CFAP61: variants seen among roughly 807,000 people sequenced by gnomAD.
CFAP61 encodes the protein cilia and flagella associated protein 61, also known as cilia- and flagella-associated protein 61.
A neutral mutation model predicts 135.6 loss-of-function variants in CFAP61; 107 were observed. That is an observed-to-expected ratio of 0.79 (90% CI 0.67 to 0.93). CFAP61 has a LOEUF of 0.93. Among genes scored for constraint, CFAP61 ranks in the 40% least tolerant of loss-of-function variants. CFAP61 has a pLI of 0.00. For synonymous variants in CFAP61, 575 were observed against 578.5 expected (o/e 0.99, Z 0.09); for missense variants, 1,507 against 1,556.2 (o/e 0.97, Z 0.53).
At chr20:20,305,601 G>A (rs1402124297) in intron 25 of CFAP61, among the ~76,000 whole-genome samples, 8 of 152,308 alleles carry the variant, frequency 5.3e-5, no homozygotes, top group Middle Eastern at 3.4e-3. Flanking sequence ...CCCTGCGGCC[G>A]TGTGCCAGGC....
chr20:20,115,751 G>A (rs998238642), intron 8 of CFAP61, among the ~76,000 whole-genome samples: 1 of 152,154 alleles, frequency 6.6e-6, no homozygotes, highest in Non-Finnish European at 1.5e-5. Context: ...TTCTATCCAT[G>A]TTGTTGCAAA....
chr20:20,358,304 T>A (rs2059349828), intron 26 of CFAP61, among the ~76,000 whole-genome samples: 1 of 151,894 alleles, frequency 6.6e-6, no homozygotes. Flanking sequence ...AAGAAGATGA[T>A]CACAGTATGA....
At chr20:20,057,647 TTTTG>T (rs1205539641) in intron 2 of CFAP61, among the ~76,000 whole-genome samples, 1 of 152,188 alleles carries the variant, frequency 6.6e-6, no homozygotes, top group African/African-American at 2.4e-5. Context: ...TTTCTCTCTG[TTTTG>T]TTTGTTTATA....
chr20:20,053,606 C>T (rs1204569000), intron 1 of CFAP61, among the ~76,000 whole-genome samples: 1 of 152,272 alleles, frequency 6.6e-6, no homozygotes, highest in East Asian at 1.9e-4. Flanking sequence ...AGTAATATCA[C>T]GTCTACCAAT....
At chr20:20,269,146 TACACACACACACACACAC>T (rs1192884602) in intron 21 of CFAP61, among the ~76,000 whole-genome samples, 2 of 85,614 alleles carry the variant, frequency 2.3e-5, no homozygotes, top group African/African-American at 4.0e-5. Flanking sequence ...TATATATATA[TACACACACACACACACAC>T]ATACATATAT....
chr20:20,086,693 C>G (rs1044232900), intron 6 of CFAP61, among the ~76,000 whole-genome samples: 40 of 152,272 alleles, frequency 2.6e-4, no homozygotes, highest in Admixed American at 2.0e-3. Flanking sequence ...GGTAAGGGCC[C>G]AGTTCACGTT....
rs563684544 is a variant in CFAP61 at position 20,291,279 on chromosome 20, G to T, written c.3216+888G>T. Among the ~76,000 whole-genome samples the T allele has an allele frequency of 7.2e-5, 11 of 152,342 alleles. No individual in the cohort carries two copies. The East Asian group carries it at 1.9e-3, about 27-fold the overall frequency. ...CACCATTACAGGATTATACAGAGCAGCTTCACTGCCCTAAGAACCCTCTGT... is the reference window on the plus strand; with the variant it reads ...CACCATTACAGGATTATACAGAGCATCTTCACTGCCCTAAGAACCCTCTGT... On this transcript the variant is annotated intron_variant, in intron 24 of 26. Transcript: ENST00000245957.
intron 6 of CFAP61, among the ~76,000 whole-genome samples, chr20:20,081,129 A>G (rs1434994440): frequency 6.6e-6 from 1 of 152,242 alleles, no homozygotes; most frequent in Non-Finnish European, 1.5e-5. Flanking sequence ...AATGAATAAA[A>G]TACTTGAATT....
chr20:20,085,585 G>A (rs779672568), intron 6 of CFAP61: 2 of 1,239,138 alleles, frequency 1.6e-6, no homozygotes, highest in South Asian at 1.2e-5. Context: ...TTCATGAGCA[G>A]GCCTAGGGCT....
intron 2 of CFAP61, among the ~76,000 whole-genome samples, chr20:20,063,410 T>C (rs1396355312): frequency 6.6e-6 from 1 of 151,884 alleles, no homozygotes; most frequent in Non-Finnish European, 1.5e-5. Flanking sequence ...TAAAAAGATA[T>C]GATTATGATT....
chr20:20,233,655 A>G (rs2049341960), intron 18 of CFAP61, among the ~76,000 whole-genome samples: 2 of 152,206 alleles, frequency 1.3e-5, no homozygotes. Context: ...CCACCAGAGA[A>G]TAAGGATCCA....
intron 21 of CFAP61, among the ~76,000 whole-genome samples, chr20:20,274,180 A>C (rs923442459): frequency 6.6e-6 from 1 of 152,208 alleles, no homozygotes; most frequent in Non-Finnish European, 1.5e-5. Flanking sequence ...ATCAATAATG[A>C]TAACAATATG....
At chr20:20,153,392 G>A (rs936406865) in intron 9 of CFAP61, among the ~76,000 whole-genome samples, 4 of 151,402 alleles carry the variant, frequency 2.6e-5, no homozygotes, top group African/African-American at 4.8e-5. Flanking sequence ...TAAATGAAAC[G>A]GTAACAAAAA....
intron 13 of CFAP61, among the ~76,000 whole-genome samples, chr20:20,179,993 G>A (rs887248185): frequency 6.6e-6 from 1 of 152,080 alleles, no homozygotes; most frequent in Non-Finnish European, 1.5e-5. Context: ...GATGCCAAAA[G>A]CAATTACAAC....
At chr20:20,074,977 A>T (rs1321382101) in intron 4 of CFAP61, among the ~76,000 whole-genome samples, 2 of 152,188 alleles carry the variant, frequency 1.3e-5, no homozygotes, top group Admixed American at 6.5e-5. Flanking sequence ...CATGGGACAG[A>T]TCGAAAAGGG....
chr20:20,334,938 A>G (rs756623264), intron 25 of CFAP61, among the ~76,000 whole-genome samples: 1 of 152,180 alleles, frequency 6.6e-6, no homozygotes, highest in Non-Finnish European at 1.5e-5. Context: ...AAACCCAGGA[A>G]TAACTAGAAA....
chr20:20,285,162 A>G (rs1388319960), intron 22 of CFAP61, among the ~76,000 whole-genome samples: 1 of 152,144 alleles, frequency 6.6e-6, no homozygotes, highest in Non-Finnish European at 1.5e-5. Flanking sequence ...AATCATTTAA[A>G]ACATTCCTCT....
intron 1 of CFAP61, among the ~76,000 whole-genome samples, chr20:20,054,414 TAC>T (rs371567134): frequency 2.0e-5 from 3 of 151,360 alleles, no homozygotes; most frequent in Non-Finnish European, 2.9e-5. Context: ...TATATATATA[TAC>T]ACACACACAT....
rs957854123 is a variant in CFAP61 at position 20,195,774 on chromosome 20, A to G, written c.1591-796A>G. On this transcript the variant is annotated intron_variant, in intron 15 of 26. Coordinates refer to ENST00000245957, the MANE Select transcript of CFAP61 (RefSeq NM_015585.4). ...TTTATAGCAGGCCAGCCAGCCATAC[A>G]TGTAATCAAAATGTATGATATGGGG... Among the ~76,000 whole-genome samples, 6 of 152,272 alleles carry G rather than the reference A, an allele frequency of 3.9e-5. No homozygotes were observed. The East Asian group carries it at 1.2e-3, about 29-fold the overall frequency.
Sources: allele counts gnomAD v4.1 joint callset (sites outside exome capture counted in the v4.1 genomes callset), GRCh38; gene constraint gnomAD v4.1.1; transcripts MANE v1.5; gene names NCBI Gene and HGNC (gene_info 2026-07-23, HGNC 2026-07-21).